The following TNFSF4 variants were observed in gnomAD, a reference collection of about 807,000 sequenced individuals.
The protein encoded by TNFSF4 is tumor necrosis factor ligand superfamily member 4.
In TNFSF4, 4 loss-of-function variants were observed where a neutral mutation model predicts 7.3. The ratio of observed to expected loss-of-function variants is 0.55; its 90% CI spans 0.27 to 1.25. TNFSF4 has a LOEUF of 1.25. Ranked by LOEUF, TNFSF4 falls within the 50% of genes most tolerant of loss-of-function variation. The probability of loss-of-function intolerance (pLI) is 0.12; values close to 1 mark genes in which losing one functional copy is unlikely to be tolerated. For synonymous variants in TNFSF4, 76 were observed against 83.7 expected (o/e 0.91, Z 0.50); for missense variants, 181 against 208.8 (o/e 0.87, Z 0.82).
the TNFSF4 span, among the ~76,000 whole-genome samples, chr1:173,228,595 T>C: frequency 2.0e-5 from 3 of 152,120 alleles, no homozygotes; most frequent in Admixed American, 6.6e-5. Flanking sequence ...CTTTGACAAG[T>C]TGAGAGAAGA....
At chr1:173,309,149 T>A in the TNFSF4 span, among the ~76,000 whole-genome samples, 1 of 152,026 alleles carries the variant, frequency 6.6e-6, no homozygotes, top group Non-Finnish European at 1.5e-5. Context: ...TACATCTGAA[T>A]GTTCATAACC....
At chr1:173,243,014 G>A in the TNFSF4 span, among the ~76,000 whole-genome samples, 4 of 108,082 alleles carry the variant, frequency 3.7e-5, no homozygotes, top group Admixed American at 1.0e-4. Flanking sequence ...TGGGGGGGGG[G>A]GGGGAGCACA....
the TNFSF4 span, among the ~76,000 whole-genome samples, chr1:173,321,329 A>G: frequency 0.048 from 7,299 of 152,282 alleles, 470 homozygotes; most frequent in African/African-American, 0.15. Flanking sequence ...AAATTAATTC[A>G]ATATGGATTA....
the TNFSF4 span, chr1:173,362,962 G>T: frequency 2.7e-6 from 1 of 376,938 alleles, no homozygotes; most frequent in Non-Finnish European, 5.2e-6. Flanking sequence ...TTTTCTTGTG[G>T]TTTTGACTTT....
the TNFSF4 span, among the ~76,000 whole-genome samples, chr1:173,385,592 C>T: frequency 2.2e-4 from 34 of 152,206 alleles, no homozygotes; most frequent in Admixed American, 2.2e-3. Context: ...AATCCCAGCA[C>T]TTCGGGAGGC....
chr1:173,284,486 G>A, the TNFSF4 span, among the ~76,000 whole-genome samples: 1 of 152,218 alleles, frequency 6.6e-6, no homozygotes, highest in Admixed American at 6.5e-5. Context: ...ACACAACAGG[G>A]TTTTTCAAGG....
At chr1:173,371,046 A>G in the TNFSF4 span, among the ~76,000 whole-genome samples, 1 of 152,244 alleles carries the variant, frequency 6.6e-6, no homozygotes, top group Non-Finnish European at 1.5e-5. Flanking sequence ...AGATGATCCA[A>G]CAACAGGACT....
chr1:173,327,125 G>A, the TNFSF4 span, among the ~76,000 whole-genome samples: 2 of 152,242 alleles, frequency 1.3e-5, no homozygotes, highest in African/African-American at 4.8e-5. Flanking sequence ...TATACTACAA[G>A]GCTATAGTAA....
At chr1:173,294,912 T>C in the TNFSF4 span, among the ~76,000 whole-genome samples, 3 of 152,084 alleles carry the variant, frequency 2.0e-5, no homozygotes, top group Non-Finnish European at 4.4e-5. Context: ...AACTGAATAC[T>C]GAGAAGACAA....
the TNFSF4 span, among the ~76,000 whole-genome samples, chr1:173,397,745 C>T: frequency 2.6e-5 from 4 of 152,138 alleles, no homozygotes; most frequent in Non-Finnish European, 5.9e-5. Context: ...TTCCACTTTT[C>T]CCCAGGTTTA....
the TNFSF4 span, among the ~76,000 whole-genome samples, chr1:173,300,555 A>G: frequency 3.3e-5 from 5 of 151,818 alleles, no homozygotes; most frequent in East Asian, 1.9e-4. Flanking sequence ...TCACTGCCCA[A>G]ATGGTACTGG....
chr1:173,330,290 T>G, the TNFSF4 span, among the ~76,000 whole-genome samples: 9 of 86,644 alleles, frequency 1.0e-4, no homozygotes, highest in Non-Finnish European at 2.2e-4. Flanking sequence ...CACATCACAA[T>G]TTTAATACTA....
At chr1:173,274,823 G>A in the TNFSF4 span, among the ~76,000 whole-genome samples, 3 of 152,028 alleles carry the variant, frequency 2.0e-5, no homozygotes, top group Non-Finnish European at 4.4e-5. Context: ...CAGTCAATTT[G>A]ATAAGTAAAA....
the TNFSF4 span, among the ~76,000 whole-genome samples, chr1:173,251,386 T>C: frequency 6.6e-6 from 1 of 152,208 alleles, no homozygotes; most frequent in African/African-American, 2.4e-5. Flanking sequence ...GAATTAATCT[T>C]TGAGCCCCTT....
the TNFSF4 span, among the ~76,000 whole-genome samples, chr1:173,298,621 A>C: frequency 2.6e-5 from 4 of 151,984 alleles, no homozygotes; most frequent in East Asian, 7.8e-4. Flanking sequence ...ATGCTAACTG[A>C]GGCTGTTTAG....
the TNFSF4 span, among the ~76,000 whole-genome samples, chr1:173,442,700 G>A: frequency 5.9e-5 from 9 of 151,766 alleles, no homozygotes; most frequent in Admixed American, 2.0e-4. Flanking sequence ...ACAGGCACCC[G>A]CCACCATGCC....
the TNFSF4 span, among the ~76,000 whole-genome samples, chr1:173,314,598 T>A: frequency 6.6e-6 from 1 of 152,166 alleles, no homozygotes; most frequent in Non-Finnish European, 1.5e-5. Flanking sequence ...TTAAGAGCAA[T>A]TACTTTCTCT....
the TNFSF4 span, among the ~76,000 whole-genome samples, chr1:173,317,327 C>A: frequency 5.8e-4 from 89 of 152,294 alleles, no homozygotes; most frequent in South Asian, 1.7e-3. Flanking sequence ...CATGATGATA[C>A]CTGCATGGTA....
chr1:173,339,970 G>A, the TNFSF4 span, among the ~76,000 whole-genome samples: 1 of 152,112 alleles, frequency 6.6e-6, no homozygotes, highest in Non-Finnish European at 1.5e-5. Context: ...AGGTGCTTCT[G>A]GATGAGATAA....
Sources: allele counts gnomAD v4.1 joint callset (sites outside exome capture counted in the v4.1 genomes callset), GRCh38; gene constraint gnomAD v4.1.1; transcripts MANE v1.5; gene names NCBI Gene and HGNC (gene_info 2026-07-23, HGNC 2026-07-21).